ACOXL: variants seen among roughly 807,000 people sequenced by gnomAD.
ACOXL encodes acyl-CoA oxidase like, also known as acyl-coenzyme A oxidase-like protein.
Under a neutral mutation model 71.9 loss-of-function variants are expected in ACOXL, and 70 were observed. The ratio of observed to expected loss-of-function variants is 0.97; its 90% CI spans 0.80 to 1.19. The LOEUF (loss-of-function observed/expected upper bound fraction) is 1.19, where lower values mean the gene tolerates loss of function less well. ACOXL is among the 50% of genes most tolerant of loss of function. ACOXL has a pLI of 0.00. For synonymous variants in ACOXL, 253 were observed against 281.6 expected (o/e 0.90, Z 1.02); for missense variants, 703 against 736.3 (o/e 0.95, Z 0.52).
At chr2:111,045,088 T>TA (rs747805864) in intron 15 of ACOXL, among the ~76,000 whole-genome samples, 2 of 152,128 alleles carry the variant, frequency 1.3e-5, no homozygotes, top group Non-Finnish European at 2.9e-5. Flanking sequence ...CTGGGACACT[T>TA]AGGCGCAGTT....
intron 16 of ACOXL, among the ~76,000 whole-genome samples, chr2:111,078,386 C>A (rs2067715103): frequency 6.6e-6 from 1 of 152,132 alleles, no homozygotes; most frequent in Non-Finnish European, 1.5e-5. Context: ...GCCTCAGCCT[C>A]CCAAGTAGCT....
chr2:111,077,778 A>G (rs894734617), intron 16 of ACOXL, among the ~76,000 whole-genome samples: 4 of 152,174 alleles, frequency 2.6e-5, no homozygotes, highest in African/African-American at 9.7e-5. Flanking sequence ...AAATTCAATC[A>G]TTCAGATTGT....
intron 17 of ACOXL, chr2:111,100,086 T>C (rs534391418): frequency 2.0e-5 from 3 of 152,290 alleles, no homozygotes; most frequent in African/African-American, 7.2e-5. Context: ...CATTGGGACG[T>C]ATGGAAAAGA....
intron 16 of ACOXL, among the ~76,000 whole-genome samples, chr2:111,084,175 A>G (rs2068078543): frequency 6.6e-6 from 1 of 151,964 alleles, no homozygotes; most frequent in Admixed American, 6.6e-5. Flanking sequence ...AAAAAATAAA[A>G]AACGGTTATG....
intron 12 of ACOXL, chr2:110,968,000 C>T: frequency 3.1e-6 from 3 of 966,068 alleles, no homozygotes; most frequent in Non-Finnish European, 5.0e-6. Context: ...GTTCATCTAA[C>T]CAACAGAGAT....
At chr2:110,983,894 G>C (rs62161500) in intron 12 of ACOXL, among the ~76,000 whole-genome samples, 8 of 152,090 alleles carry the variant, frequency 5.3e-5, no homozygotes, top group Non-Finnish European at 4.4e-5. Flanking sequence ...CTGTCGCCCA[G>C]GCTGGAGTGC....
chr2:110,844,208 C>T (rs566352842), intron 10 of ACOXL, among the ~76,000 whole-genome samples: 2 of 152,302 alleles, frequency 1.3e-5, no homozygotes, highest in African/African-American at 2.4e-5. Flanking sequence ...GAAGACTTAC[C>T]GAGGAGCATG....
At chr2:111,010,166 G>A (rs1048546317) in intron 14 of ACOXL, among the ~76,000 whole-genome samples, 1 of 152,084 alleles carries the variant, frequency 6.6e-6, no homozygotes, top group African/African-American at 2.4e-5. Flanking sequence ...GAAATTAGCA[G>A]ACAAGGGCTT....
chr2:110,755,198 T>C (rs1258951503), intron 1 of ACOXL, among the ~76,000 whole-genome samples: 2 of 152,106 alleles, frequency 1.3e-5, no homozygotes, highest in African/African-American at 2.4e-5. Flanking sequence ...CTCCAACAGC[T>C]GTCCCCAGAT....
At chr2:110,902,083 G>A (rs7609002) in intron 10 of ACOXL, among the ~76,000 whole-genome samples, 47,379 of 151,826 alleles carry the variant, frequency 0.31, 7,756 homozygotes, top group Middle Eastern at 0.37. Context: ...GGGAATGACA[G>A]GTAAAACACA....
intron 16 of ACOXL, 46 bp from the exon 17 acceptor site, chr2:111,092,819 A>G (rs753103982): frequency 3.0e-6 from 4 of 1,331,854 alleles, no homozygotes; most frequent in Non-Finnish European, 4.3e-6. Flanking sequence ...GTGTTTTCTA[A>G]TATATTGCTA....
intron 10 of ACOXL, among the ~76,000 whole-genome samples, chr2:110,866,513 A>G (rs1446398122): frequency 2.0e-5 from 3 of 152,130 alleles, no homozygotes; most frequent in Non-Finnish European, 4.4e-5. Context: ...CAGGATCAAT[A>G]TTTGAATCAG....
intron 12 of ACOXL, among the ~76,000 whole-genome samples, chr2:110,984,889 C>T (rs1043719599): frequency 2.6e-5 from 4 of 152,192 alleles, no homozygotes; most frequent in South Asian, 2.1e-4. Flanking sequence ...GGACACACTC[C>T]GACCCCTGGC....
intron 13 of ACOXL, among the ~76,000 whole-genome samples, chr2:110,992,518 G>A (rs1222311011): frequency 6.6e-6 from 1 of 152,276 alleles, no homozygotes; most frequent in East Asian, 1.9e-4. Flanking sequence ...AAGATGGGCT[G>A]AGAACTTCCT....
chr2:110,839,718 G>A (rs1043253674), intron 9 of ACOXL, among the ~76,000 whole-genome samples: 3 of 152,144 alleles, frequency 2.0e-5, no homozygotes, highest in Non-Finnish European at 4.4e-5. Context: ...GCAGGACGTC[G>A]AGCTGGGCAG....
chr2:111,023,490 C>T (rs753299414), intron 14 of ACOXL, among the ~76,000 whole-genome samples: 3 of 152,018 alleles, frequency 2.0e-5, no homozygotes, highest in Admixed American at 6.5e-5. Flanking sequence ...ATCTGTAGCC[C>T]GTGGAAGTGG....
At chr2:110,738,411 G>A (rs750052580) in intron 1 of ACOXL, among the ~76,000 whole-genome samples, 2 of 152,078 alleles carry the variant, frequency 1.3e-5, no homozygotes, top group Non-Finnish European at 2.9e-5. Flanking sequence ...TTAACTTTTC[G>A]AGATTTTTAA....
intron 1 of ACOXL, among the ~76,000 whole-genome samples, chr2:110,759,331 A>G (rs1388059199): frequency 2.0e-5 from 3 of 152,120 alleles, no homozygotes. Flanking sequence ...GTAGGTCTCT[A>G]AGAATTTGCT....
chr2:111,107,885 C>T (rs1427417839), intron 17 of ACOXL, among the ~76,000 whole-genome samples: 2 of 152,204 alleles, frequency 1.3e-5, no homozygotes, highest in Non-Finnish European at 2.9e-5. Context: ...CATGGAACTT[C>T]AATTTTTTGA....
Sources: gnomAD v4.1 joint callset for allele counts (sites outside exome capture counted in the v4.1 genomes callset) on GRCh38, gnomAD v4.1.1 for gene constraint, MANE v1.5 for transcripts, NCBI Gene and HGNC (gene_info 2026-07-23, HGNC 2026-07-21) for gene names.